Variants in USP46 observed in about 807,000 individuals in gnomAD.
USP46 encodes the protein ubiquitin specific peptidase 46, also known as ubiquitin carboxyl-terminal hydrolase 46.
USP46 carries 12 observed loss-of-function variants against 44.4 expected under a neutral mutation model. That is an observed-to-expected ratio of 0.27 (90% CI 0.17 to 0.44). USP46 has a LOEUF of 0.44. USP46 is among the 20% of genes least tolerant of loss of function. USP46 has a pLI of 1.00. For synonymous variants in USP46, 155 were observed against 161.5 expected (o/e 0.96, Z 0.31); for missense variants, 248 against 444.8 (o/e 0.56, Z 3.98).
At chr4:52,637,080 GA>G (rs1316540764) in intron 1 of USP46, among the ~76,000 whole-genome samples, 1 of 152,054 alleles carries the variant, frequency 6.6e-6, no homozygotes, top group African/African-American at 2.4e-5. Flanking sequence ...AAAGTGCTGG[GA>G]TAACAGGTAT....
At chr4:52,618,678 C>T (rs1318642194) in intron 4 of USP46, among the ~76,000 whole-genome samples, 2 of 152,074 alleles carry the variant, frequency 1.3e-5, no homozygotes, top group African/African-American at 4.8e-5. Flanking sequence ...AATCATGAGC[C>T]GAAAATGTGC....
At chr4:52,654,582 G>C (rs748272124) in intron 1 of USP46, among the ~76,000 whole-genome samples, 4 of 152,044 alleles carry the variant, frequency 2.6e-5, no homozygotes, top group Non-Finnish European at 4.4e-5. Flanking sequence ...TTTTGGTAGA[G>C]ATTGGGTCTC....
intron 5 of USP46, among the ~76,000 whole-genome samples, chr4:52,606,456 ATG>A (rs1716692714): frequency 6.6e-6 from 1 of 152,232 alleles, no homozygotes. Context: ...GAGCAAAGTC[ATG>A]TCTTACATGG....
intron 8 of USP46, among the ~76,000 whole-genome samples, chr4:52,598,170 AC>A (rs2109589396): frequency 6.6e-6 from 1 of 152,392 alleles, no homozygotes; most frequent in Admixed American, 6.5e-5. Flanking sequence ...TTCTTTTATA[AC>A]AAAATCAATA....
chr4:52,604,440 GCCCCACA>G (rs1716596825), intron 6 of USP46, 54 bp downstream of exon 6: 24 of 1,405,866 alleles, frequency 1.7e-5, no homozygotes, highest in Non-Finnish European at 2.4e-5. Context: ...ACCCTGCTGG[GCCCCACA>G]GTCGGGATCC....
chr4:52,656,320 A>C, intron 1 of USP46: 1 of 1,551,552 alleles, frequency 6.4e-7, no homozygotes, highest in Non-Finnish European at 8.7e-7. Context: ...TTATTGAGCA[A>C]AGAATCTAAA....
At chr4:52,630,019 G>A (rs1717755740) in intron 2 of USP46, among the ~76,000 whole-genome samples, 1 of 152,106 alleles carries the variant, frequency 6.6e-6, no homozygotes. Context: ...ACCACACCTG[G>A]GCATTGACAG....
At chr4:52,602,138 A>G in intron 6 of USP46, 84 bp from the exon 7 acceptor site, 2 of 1,446,940 alleles carry the variant, frequency 1.4e-6, no homozygotes, top group South Asian at 1.4e-5. Flanking sequence ...CAAACAGAAT[A>G]GTAGGAGGTT....
At chr4:52,656,203 C>A in intron 1 of USP46, 2 of 1,335,358 alleles carry the variant, frequency 1.5e-6, no homozygotes, top group African/African-American at 1.5e-5. Flanking sequence ...TACAACTACT[C>A]AAACCAGCTG....
chr4:52,645,218 CTATCTCAAAAAAAAAA>C (rs1352507817), intron 1 of USP46, among the ~76,000 whole-genome samples: 2 of 135,510 alleles, frequency 1.5e-5, no homozygotes, highest in Non-Finnish European at 3.1e-5. Flanking sequence ...AAGACAGACT[CTATCTCAAAAAAAAAA>C]AAAAAAAAAG....
chr4:52,613,716 C>A (rs1353335601), intron 4 of USP46, among the ~76,000 whole-genome samples: 3 of 137,938 alleles, frequency 2.2e-5, no homozygotes, highest in East Asian at 2.1e-4. Flanking sequence ...AGCAAGACTC[C>A]ATCTCAAAAA....
At chr4:52,608,840 G>A (rs1560394030) in intron 5 of USP46, among the ~76,000 whole-genome samples, 2 of 152,188 alleles carry the variant, frequency 1.3e-5, no homozygotes, top group Non-Finnish European at 2.9e-5. Context: ...ATGAGAGGAA[G>A]ACAGAGGAAA....
intron 6 of USP46, among the ~76,000 whole-genome samples, chr4:52,603,140 T>C (rs1231835832): frequency 2.0e-5 from 3 of 152,218 alleles, no homozygotes; most frequent in Non-Finnish European, 4.4e-5. Context: ...ATAAGAAGTA[T>C]GGGGAACCCC....
At chr4:52,635,679 G>A (rs1340396961) in intron 1 of USP46, among the ~76,000 whole-genome samples, 4 of 152,182 alleles carry the variant, frequency 2.6e-5, no homozygotes, top group African/African-American at 4.8e-5. Context: ...GATCCTTCCC[G>A]TCAGCATTTA....
intron 1 of USP46, among the ~76,000 whole-genome samples, chr4:52,633,297 G>A (rs1057045143): frequency 5.9e-5 from 9 of 152,088 alleles, no homozygotes; most frequent in African/African-American, 1.9e-4. Context: ...TGCACCAAAC[G>A]AATAACTCCC....
intron 5 of USP46, among the ~76,000 whole-genome samples, chr4:52,609,509 T>C (rs1016896135): frequency 6.6e-6 from 1 of 152,180 alleles, no homozygotes; most frequent in Non-Finnish European, 1.5e-5. Context: ...ACTGGCATTA[T>C]TTGCTCCCTG....
rs17051632 is a variant in USP46, at chr4:52,629,326, C to A, written c.118-1163G>T. Among the ~76,000 whole-genome samples the A allele has an allele frequency of 9.2e-3, 1,403 of 152,256 alleles. 17 individuals carry two copies. Among genetic ancestry groups the A allele is most frequent in the African/African-American group, 0.032 (1,332 of 41,530 alleles). ...AGAAGCTGGAACTTTCATAAATTAC[C>A]ATTCAAAGGGAACATAAATGAAGCT... is the stretch of plus-strand genomic sequence containing the variant. On this transcript the variant is annotated intron_variant, in intron 2 of 8. Transcript: ENST00000441222.
In USP46 at chr4:52,632,990, A is replaced by AAAAGAAAAGAAAGAAAGAAAGAAAG. The variant is rs1717961084; in HGVS notation, c.37-1847_37-1846insCTTTCTTTCTTTCTTTCTTTTCTTT. Among the ~76,000 whole-genome samples the AAAAGAAAAGAAAGAAAGAAAGAAAG allele has an allele frequency of 5.1e-4, 34 of 66,332 alleles. 1 individual carries two copies. Among genetic ancestry groups the AAAAGAAAAGAAAGAAAGAAAGAAAG allele is most frequent in the Admixed American group, 4.2e-3 (26 of 6,158 alleles). The allele number at this position is 66,332 out of a possible 152,430, so 43.5% of individuals were successfully genotyped here. On this transcript the variant is annotated intron_variant, in intron 1 of 8. Transcript: ENST00000441222. ...AAAGAAAGAAAGAAAGAAAGAAAAG[A>AAAAGAAAAGAAAGAAAGAAAGAAAG]AAAGAAAGAAAGAAAGAAAGAAAGA...
chr4:52,631,235 T>A lies in USP46; in HGVS notation c.37-91A>T. 7 of 939,692 alleles carry A rather than the reference T, an allele frequency of 7.4e-6. No individual in the cohort carries two copies. In the South Asian group the frequency reaches 1.1e-4, roughly 15 times the overall value. 58.2% of individuals were successfully genotyped at this position (939,692 alleles called of 1,614,324 possible). A position where few individuals can be genotyped will look rare whatever the true frequency, so the allele number is the denominator to read the frequency against. On this transcript the variant is annotated intron_variant, in intron 1 of 8. Coordinates refer to ENST00000441222, the MANE Select transcript of USP46 (RefSeq NM_022832.4). The stretch of plus-strand genomic sequence containing the variant: ...AAAGAGTCTACTATTGAGACAAGCA[T>A]CTTCCCTGGTCAACACGGTATTTGT...
Sources: gnomAD v4.1 joint callset for allele counts (sites outside exome capture counted in the v4.1 genomes callset) on GRCh38, gnomAD v4.1.1 for gene constraint, MANE v1.5 for transcripts, NCBI Gene and HGNC (gene_info 2026-07-23, HGNC 2026-07-21) for gene names.